The following SCNN1B variants were observed in gnomAD, a reference collection of about 807,000 sequenced individuals.
SCNN1B encodes sodium channel epithelial 1 subunit beta, also known as epithelial sodium channel subunit beta.
SCNN1B carries 46 observed loss-of-function variants against 65.3 expected under a neutral mutation model. The observed-to-expected ratio is 0.70, with a 90% CI of 0.56 to 0.90. The LOEUF (loss-of-function observed/expected upper bound fraction) is 0.90. SCNN1B is among the 40% of genes least tolerant of loss of function. The pLI, the probability that SCNN1B is intolerant of heterozygous loss-of-function variation, is 0.00. For missense variants in SCNN1B, 751 were observed against 830.5 expected, an observed-to-expected ratio of 0.90 and a Z score of 1.18; for synonymous variants, 349 against 330.6, an observed-to-expected ratio of 1.06 and a Z score of -0.60.
At chr16:23,321,104 G>T (rs1961577794) in intron 1 of SCNN1B, among the ~76,000 whole-genome samples, 1 of 152,160 alleles carries the variant, frequency 6.6e-6, no homozygotes, top group Admixed American at 6.5e-5. Flanking sequence ...GAGTGCAGTG[G>T]TATGATAGCC....
Position 23,380,219 on chromosome 16 carries a change from T to G in SCNN1B, c.1542+50T>G. The G allele has an allele frequency of 6.5e-7, 1 of 1,538,982 alleles. No individual in the cohort carries two copies. The highest frequency in any genetic ancestry group is 9.0e-7 in the Non-Finnish European group (1 of 1,111,868). On this transcript the variant is annotated intron_variant, in intron 12 of 12. Transcript: ENST00000343070. The surrounding 1 kb of genome is among the most constrained non-coding windows in gnomAD (Gnocchi z 5.4). ...CCCAGCCCTGCCCTGCCCTGACCCC[T>G]GCACCCTGAGGGTGGGGGAAGGGTT...
At chr16:23,351,150 T>C (rs1409879105) in intron 2 of SCNN1B, among the ~76,000 whole-genome samples, 1 of 152,172 alleles carries the variant, frequency 6.6e-6, no homozygotes, top group Non-Finnish European at 1.5e-5. Flanking sequence ...CTTCTTTCTA[T>C]TAATAGGGTT....
chr16:23,333,741 G>T (rs1961877958), intron 1 of SCNN1B, among the ~76,000 whole-genome samples: 1 of 152,190 alleles, frequency 6.6e-6, no homozygotes, highest in Admixed American at 6.5e-5. Flanking sequence ...GGAGGCCAAG[G>T]TGGGGGGATT....
intron 4 of SCNN1B, chr16:23,359,495 C>T (rs1962490309): frequency 6.6e-6 from 1 of 152,308 alleles, no homozygotes; most frequent in South Asian, 2.1e-4. Flanking sequence ...TTCCTCACTC[C>T]CACAGTTGAC....
intron 1 of SCNN1B, among the ~76,000 whole-genome samples, chr16:23,343,593 AAG>A (rs1962111708): frequency 1.3e-5 from 1 of 76,826 alleles, no homozygotes; most frequent in South Asian, 7.8e-4. Flanking sequence ...GAAAGAAAGA[AAG>A]AAAGAAAGAA....
chr16:23,363,437 T>A (rs1399442423), intron 4 of SCNN1B, among the ~76,000 whole-genome samples: 1 of 152,250 alleles, frequency 6.6e-6, no homozygotes, highest in African/African-American at 2.4e-5. Flanking sequence ...TGAGCTCTTC[T>A]CCTTCCAGAC....
At chr16:23,324,188 C>CTTTT in intron 1 of SCNN1B, among the ~76,000 whole-genome samples, 1 of 137,506 alleles carries the variant, frequency 7.3e-6, no homozygotes. Flanking sequence ...CAAAAGCTCA[C>CTTTT]TTTTTTTTTT....
At chr16:23,358,744 T>C (rs1962471439) in intron 4 of SCNN1B, among the ~76,000 whole-genome samples, 1 of 152,070 alleles carries the variant, frequency 6.6e-6, no homozygotes, top group East Asian at 1.9e-4. Context: ...CCATCTCTAC[T>C]AAATATACAA....
chr16:23,290,270 T>C (rs1193344672), intron 2 of SCNN1B, among the ~76,000 whole-genome samples: 1 of 152,148 alleles, frequency 6.6e-6, no homozygotes, highest in Non-Finnish European at 1.5e-5. Flanking sequence ...ATTATTGTTA[T>C]TGAAATTATT....
intron 2 of SCNN1B, among the ~76,000 whole-genome samples, chr16:23,284,242 T>TA (rs1348182029): frequency 6.6e-6 from 1 of 151,820 alleles, no homozygotes; most frequent in African/African-American, 2.4e-5. Flanking sequence ...CTGTGCCTAC[T>TA]AAAAGTACAA....
chr16:23,358,866 C>A (rs1416463131), intron 4 of SCNN1B, among the ~76,000 whole-genome samples: 1 of 152,240 alleles, frequency 6.6e-6, no homozygotes, highest in Non-Finnish European at 1.5e-5. Context: ...GAGGTTGTGC[C>A]ACTGCACTCC....
At chr16:23,329,011 G>C (rs939190681) in intron 1 of SCNN1B, among the ~76,000 whole-genome samples, 1 of 151,914 alleles carries the variant, frequency 6.6e-6, no homozygotes, top group Admixed American at 6.6e-5. Context: ...TCTTGCCCAG[G>C]CTGGTCTTGA....
Position 23,322,592 on chromosome 16 carries a change from T to C in SCNN1B, c.-9+20155T>C, listed in dbSNP as rs547938774. ...TCCCAAAGTGCTGGCATTACAGGCG[T>C]GAGCCACTATGCCCAGTCCAGCAAT... On this transcript the variant is annotated intron_variant, in intron 1 of 12. Transcript: ENST00000343070. 5.8e-3 allele frequency among the ~76,000 whole-genome samples: 883 copies of C among 152,268 alleles called. 4 individuals are homozygous for C. Among genetic ancestry groups the C allele is most frequent in the Non-Finnish European group, 0.01 (689 of 68,010 alleles).
intron 4 of SCNN1B, among the ~76,000 whole-genome samples, chr16:23,365,138 A>C (rs2142032612): frequency 6.6e-6 from 1 of 151,696 alleles, no homozygotes; most frequent in East Asian, 2.0e-4. Flanking sequence ...AAAACAAAAA[A>C]AAAAATAGTT....
intron 1 of SCNN1B, among the ~76,000 whole-genome samples, chr16:23,311,524 C>G (rs982179730): frequency 2.6e-5 from 4 of 152,304 alleles, no homozygotes; most frequent in Admixed American, 1.3e-4. Flanking sequence ...TGTTGATTCT[C>G]TAACTGAGCT....
chr16:23,279,536 A>G (rs1387418065), intron 1 of SCNN1B, among the ~76,000 whole-genome samples: 1 of 152,234 alleles, frequency 6.6e-6, no homozygotes, highest in Admixed American at 6.5e-5. Context: ...TCAAGGACAC[A>G]GATAGATGTG....
At chr16:23,281,213 A>G (rs1960779042) in intron 1 of SCNN1B, among the ~76,000 whole-genome samples, 1 of 152,172 alleles carries the variant, frequency 6.6e-6, no homozygotes, top group Non-Finnish European at 1.5e-5. Context: ...TGGGTGGTTC[A>G]TCTTTGGTCA....
chr16:23,320,576 GA>G (rs1251467570), intron 1 of SCNN1B, among the ~76,000 whole-genome samples: 1 of 152,238 alleles, frequency 6.6e-6, no homozygotes. Flanking sequence ...ATGACTTACA[GA>G]CATGATTGGA....
chr16:23,312,078 G>C (rs985277091), intron 1 of SCNN1B, among the ~76,000 whole-genome samples: 2 of 152,156 alleles, frequency 1.3e-5, no homozygotes, highest in African/African-American at 4.8e-5. Context: ...GACCAGGGGA[G>C]TTCTGGTTTA....
Sources: allele counts gnomAD v4.1 joint callset (sites outside exome capture counted in the v4.1 genomes callset), GRCh38; gene constraint gnomAD v4.1.1; non-coding constraint Gnocchi (gnomAD v3.1); transcripts MANE v1.5; gene names NCBI Gene and HGNC (gene_info 2026-07-23, HGNC 2026-07-21).